CSMD1: variants seen among roughly 807,000 people sequenced by gnomAD.
The protein encoded by CSMD1 is CUB and Sushi multiple domains 1.
A neutral mutation model predicts 417.5 loss-of-function variants in CSMD1; 213 were observed. The observed-to-expected ratio is 0.51, with a 90% CI of 0.46 to 0.57. CSMD1 has a LOEUF of 0.57. CSMD1 is among the 20% of genes least tolerant of loss of function. CSMD1 has a pLI of 0.00. For missense variants in CSMD1, 6,923 were observed against 4,529.7 expected (o/e 1.53, Z -15.17); for synonymous variants, 2,862 against 1,736.8 (o/e 1.65, Z -16.11).
chr8:4,948,770 C>A (rs1808539272), intron 1 of CSMD1, among the ~76,000 whole-genome samples: 1 of 152,016 alleles, frequency 6.6e-6, no homozygotes, highest in Non-Finnish European at 1.5e-5. Flanking sequence ...TTCTTTATAA[C>A]CCTGAAAGTC....
chr8:3,463,495 C>T (rs558422247), intron 12 of CSMD1, among the ~76,000 whole-genome samples: 1 of 152,190 alleles, frequency 6.6e-6, no homozygotes, highest in Non-Finnish European at 1.5e-5. Flanking sequence ...GCTTCACCTT[C>T]TCTTTAGGGT....
At position 2,937,005 on chromosome 8, in the gene CSMD1, T is replaced by A. The variant is rs966943242; in HGVS notation, c.*1580A>T. The A allele has an allele frequency of 6.6e-6, 1 of 152,180 alleles. No individual in the cohort carries two copies. Among genetic ancestry groups the A allele is most frequent in the Non-Finnish European group, 1.5e-5 (1 of 68,028 alleles). 9.4% of individuals were successfully genotyped at this position (152,180 alleles called of 1,614,324 possible). A position where few individuals can be genotyped will look rare whatever the true frequency, so the allele number is the denominator to read the frequency against. ...ATTGAATAGGAACTGAAATATCAAATAATAAAATAAGTACTATCGTTTCAA... is the reference window on the plus strand; with the variant it reads ...ATTGAATAGGAACTGAAATATCAAAAAATAAAATAAGTACTATCGTTTCAA... On this transcript the variant is annotated 3_prime_UTR_variant, in exon 70 of 70. Coordinates refer to ENST00000635120, the MANE Select transcript of CSMD1 (RefSeq NM_033225.6).
intron 3 of CSMD1, among the ~76,000 whole-genome samples, chr8:4,048,293 A>G (rs747549029): frequency 6.6e-6 from 1 of 152,212 alleles, no homozygotes; most frequent in Non-Finnish European, 1.5e-5. Flanking sequence ...TGAGCATAAG[A>G]TTGAGCTGGT....
rs200116565 is a variant in CSMD1, at chr8:3,558,350, A to C, written c.1344+16595T>G. On this transcript the variant is annotated intron_variant, in intron 10 of 69. Coordinates refer to ENST00000635120, the MANE Select transcript of CSMD1 (RefSeq NM_033225.6). ...GATGCCTCAGTAGTACCCCGTGTCCACTCCTCCAATGATGAATGGTGCCTC... is the reference window on the plus strand; with the variant it reads ...GATGCCTCAGTAGTACCCCGTGTCCCCTCCTCCAATGATGAATGGTGCCTC... Among the ~76,000 whole-genome samples the C allele has an allele frequency of 1.4e-3, 178 of 127,012 alleles. 3 individuals are homozygous for C. In the East Asian group the frequency reaches 0.032, roughly 23 times the overall value. The allele number at this position is 127,012 out of a possible 152,430, so 83.3% of individuals were successfully genotyped here. A position where few individuals can be genotyped will look rare whatever the true frequency, so the allele number is the denominator to read the frequency against.
intron 1 of CSMD1, among the ~76,000 whole-genome samples, chr8:4,893,424 G>A (rs1804262482): frequency 6.6e-6 from 1 of 151,962 alleles, no homozygotes; most frequent in South Asian, 2.1e-4. Flanking sequence ...TCACAAAGAT[G>A]TAGTTAAATG....
At position 4,742,511 on chromosome 8, in the gene CSMD1, T is replaced by C. The variant is rs530942953; in HGVS notation, c.86-104953A>G. ...ACACATACATATACACACATGTACA[T>C]AGAAAATATTTTATAAATATATTAT... On this transcript the variant is annotated intron_variant, in intron 1 of 69. Coordinates refer to ENST00000635120, the MANE Select transcript of CSMD1 (RefSeq NM_033225.6). Among the ~76,000 whole-genome samples, 16 of 152,138 alleles carry C rather than the reference T, an allele frequency of 1.1e-4. No individual in the cohort carries two copies. In the South Asian group the frequency reaches 2.3e-3, roughly 22 times the overall value.
At chr8:3,476,134 G>C (rs748304155) in intron 11 of CSMD1, among the ~76,000 whole-genome samples, 24 of 152,162 alleles carry the variant, frequency 1.6e-4, no homozygotes, top group Non-Finnish European at 3.5e-4. Context: ...TTTGAGTCCA[G>C]GAGTTCAAGA....
chr8:3,253,812 T>C (rs1800451261), intron 26 of CSMD1, among the ~76,000 whole-genome samples: 1 of 152,158 alleles, frequency 6.6e-6, no homozygotes, highest in African/African-American at 2.4e-5. Flanking sequence ...CACTGTAGGG[T>C]CTTGACTCTT....
intron 8 of CSMD1, among the ~76,000 whole-genome samples, chr8:3,600,161 A>G (rs1257598577): frequency 6.6e-6 from 1 of 152,218 alleles, no homozygotes; most frequent in Non-Finnish European, 1.5e-5. Context: ...GGCATCAGCA[A>G]GCTGAAAACT....
At chr8:4,358,139 C>G (rs934793782) in intron 3 of CSMD1, among the ~76,000 whole-genome samples, 10 of 152,118 alleles carry the variant, frequency 6.6e-5, no homozygotes, top group African/African-American at 4.8e-5. Flanking sequence ...AATTTATTCT[C>G]AAAATTTCCA....
intron 3 of CSMD1, among the ~76,000 whole-genome samples, chr8:4,066,410 C>A (rs570082515): frequency 6.6e-6 from 1 of 151,464 alleles, no homozygotes; most frequent in African/African-American, 2.4e-5. Context: ...CTTAATTTTA[C>A]AGAACACCAC....
intron 3 of CSMD1, among the ~76,000 whole-genome samples, chr8:4,127,261 C>A (rs1199413890): frequency 6.6e-6 from 1 of 151,856 alleles, no homozygotes; most frequent in African/African-American, 2.4e-5. Flanking sequence ...CTACAGGCCC[C>A]GCTCCAGGTT....
At chr8:3,881,265 T>TC (rs869067994) in intron 5 of CSMD1, among the ~76,000 whole-genome samples, 2 of 842 alleles carry the variant, frequency 2.4e-3, no homozygotes, top group South Asian at 0.071. Flanking sequence ...TGTTTTTTGC[T>TC]TTTTTTTTTC....
intron 5 of CSMD1, among the ~76,000 whole-genome samples, chr8:3,856,598 T>G (rs1454933380): frequency 6.6e-6 from 1 of 152,150 alleles, no homozygotes; most frequent in African/African-American, 2.4e-5. Flanking sequence ...TAATTTGCCA[T>G]ATTTTATAGT....
intron 7 of CSMD1, among the ~76,000 whole-genome samples, chr8:3,642,525 C>T (rs1003006364): frequency 6.6e-6 from 1 of 152,152 alleles, no homozygotes; most frequent in African/African-American, 2.4e-5. Context: ...TTATCCAGGT[C>T]TTCAAGTGTC....
chr8:3,794,895 G>C (rs1449584052), intron 5 of CSMD1, among the ~76,000 whole-genome samples: 1 of 151,706 alleles, frequency 6.6e-6, no homozygotes, highest in Admixed American at 6.6e-5. Flanking sequence ...CTTACTGTCT[G>C]TAATGGTTTC....
At chr8:3,860,502 A>T (rs1287541877) in intron 5 of CSMD1, among the ~76,000 whole-genome samples, 1 of 152,176 alleles carries the variant, frequency 6.6e-6, no homozygotes, top group Non-Finnish European at 1.5e-5. Context: ...AAGTTCCTTT[A>T]TGCAAGGTAC....
chr8:3,129,366 T>G (rs1817673414), intron 41 of CSMD1, among the ~76,000 whole-genome samples: 1 of 152,236 alleles, frequency 6.6e-6, no homozygotes, highest in South Asian at 2.1e-4. Context: ...CAGGTTTGCT[T>G]GTTTGTTTAT....
chr8:3,993,723 C>G (rs1814936001), intron 5 of CSMD1, among the ~76,000 whole-genome samples: 1 of 152,092 alleles, frequency 6.6e-6, no homozygotes, highest in Non-Finnish European at 1.5e-5. Flanking sequence ...ATAAGGCAGC[C>G]CTAATCCAAA....
Sources: allele counts gnomAD v4.1 joint callset (sites outside exome capture counted in the v4.1 genomes callset), GRCh38; gene constraint gnomAD v4.1.1; transcripts MANE v1.5; gene names NCBI Gene and HGNC (gene_info 2026-07-23, HGNC 2026-07-21).